PDE3A: variants seen among roughly 807,000 people sequenced by gnomAD.
The protein encoded by PDE3A is cGMP-inhibited 3',5'-cyclic phosphodiesterase 3A.
PDE3A carries 43 observed loss-of-function variants against 98.3 expected under a neutral mutation model. The observed-to-expected ratio is 0.44, with a 90% confidence interval of 0.34 to 0.56. PDE3A has a LOEUF of 0.56. PDE3A is among the 20% of genes least tolerant of loss of function. PDE3A has a pLI of 0.01. For synonymous variants in PDE3A, 663 were observed against 567.9 expected, an observed-to-expected ratio of 1.17 and a Z score of -2.38; for missense variants, 1,427 against 1,440.7, an observed-to-expected ratio of 0.99 and a Z score of 0.15.
chr12:20,460,286 C>T (rs1945225485), intron 1 of PDE3A, among the ~76,000 whole-genome samples: 1 of 152,204 alleles, frequency 6.6e-6, no homozygotes, highest in African/African-American at 2.4e-5. Flanking sequence ...AAAGAGTTTG[C>T]ACACATTTGT....
intron 1 of PDE3A, among the ~76,000 whole-genome samples, chr12:20,476,610 A>C (rs968354309): frequency 2.0e-5 from 3 of 152,326 alleles, no homozygotes; most frequent in Admixed American, 2.0e-4. Flanking sequence ...CTGTAAATCT[A>C]CAGCAGGAGA....
At chr12:20,614,019 A>C (rs1943936868) in intron 3 of PDE3A, among the ~76,000 whole-genome samples, 1 of 152,180 alleles carries the variant, frequency 6.6e-6, no homozygotes, top group Admixed American at 6.5e-5. Context: ...CAACAACAAC[A>C]AAACAAAGAA....
chr12:20,510,965 A>AGTG (rs1387859275), intron 1 of PDE3A, among the ~76,000 whole-genome samples: 5 of 152,084 alleles, frequency 3.3e-5, no homozygotes, highest in Non-Finnish European at 5.9e-5. Context: ...TGAAGTGCAC[A>AGTG]GTGGAGTCTA....
chr12:20,424,691 C>G (rs1457601391), intron 1 of PDE3A, among the ~76,000 whole-genome samples: 4 of 152,098 alleles, frequency 2.6e-5, no homozygotes, highest in African/African-American at 9.7e-5. Flanking sequence ...ACCAGAAAAT[C>G]ATAGAAAAAT....
At chr12:20,509,799 A>G (rs570595145) in intron 1 of PDE3A, among the ~76,000 whole-genome samples, 3 of 144,040 alleles carry the variant, frequency 2.1e-5, no homozygotes, top group South Asian at 2.2e-4. Context: ...TTTTTTTACC[A>G]CTGTCTAGAA....
intron 4 of PDE3A, among the ~76,000 whole-genome samples, chr12:20,619,345 A>T (rs1013521592): frequency 5.9e-5 from 9 of 152,170 alleles, no homozygotes; most frequent in African/African-American, 2.2e-4. Context: ...TTTGAAAAAA[A>T]TAGTAAATTG....
chr12:20,682,432 G>C lies in PDE3A; in HGVS notation c.*2161G>C, dbSNP rs1199926513. 1 of 151,982 alleles carries C rather than the reference G, an allele frequency of 6.6e-6. No individual in the cohort carries two copies. The highest frequency in any genetic ancestry group is 1.9e-4 in the East Asian group (1 of 5,190). 9.4% of individuals were successfully genotyped at this position (151,982 alleles called of 1,614,324 possible). A position where few individuals can be genotyped will look rare whatever the true frequency, so the allele number is the denominator to read the frequency against. On this transcript the variant is annotated 3_prime_UTR_variant, in exon 16 of 16. Transcript: ENST00000359062. ...AAAGCATTATTTTACAATAATTCATGGCATTTTAAAAAATAAGGCAAAGAT... is the reference window on the plus strand; with the variant it reads ...AAAGCATTATTTTACAATAATTCATCGCATTTTAAAAAATAAGGCAAAGAT...
intron 15 of PDE3A, among the ~76,000 whole-genome samples, chr12:20,663,823 T>G (rs1310258084): frequency 1.3e-5 from 2 of 152,156 alleles, no homozygotes; most frequent in Middle Eastern, 3.2e-3. Context: ...GGGGGACTTT[T>G]GGAAAGGCAA....
intron 15 of PDE3A, among the ~76,000 whole-genome samples, chr12:20,667,111 T>A (rs948118142): frequency 6.6e-6 from 1 of 152,208 alleles, no homozygotes; most frequent in Non-Finnish European, 1.5e-5. Context: ...TGCCCACTTT[T>A]TAATAGAATT....
chr12:20,489,990 T>C (rs1396731627), intron 1 of PDE3A, among the ~76,000 whole-genome samples: 1 of 152,224 alleles, frequency 6.6e-6, no homozygotes, highest in Non-Finnish European at 1.5e-5. Flanking sequence ...GAGTGACATC[T>C]GGAGGCTTTC....
In PDE3A at chr12:20,449,727, G is replaced by C. The variant is rs1384508470; in HGVS notation, c.960+79483G>C. 8.4e-6 allele frequency: 4 copies of C among 476,654 alleles called. No homozygotes were observed. The East Asian group carries it at 1.3e-4, about 15-fold the overall frequency. The allele number at this position is 476,654 out of a possible 1,614,324, so 29.5% of individuals were successfully genotyped here. Reference sequence around the variant, plus strand: ...CAGTCCTTAGAGTATTATTCAGCTAGGTCAGCCTGAAGTGGATGCTCAGGC... The same window carrying C: ...CAGTCCTTAGAGTATTATTCAGCTACGTCAGCCTGAAGTGGATGCTCAGGC... On this transcript the variant is annotated intron_variant, in intron 1 of 15. Transcript: ENST00000359062.
In PDE3A at chr12:20,686,815, C is replaced by T. The variant is rs1011928049; in HGVS notation, c.*6544C>T. ...CTTAAGTTCTAGTTCCTCAAGCCTG[C>T]TTTCCTTGTAAAGTCCATGGTACTA... is the stretch of plus-strand genomic sequence containing the variant. On this transcript the variant is annotated 3_prime_UTR_variant, in exon 16 of 16. Transcript: ENST00000359062. Among the ~76,000 whole-genome samples the T allele has an allele frequency of 3.9e-5, 6 of 152,104 alleles. No individual in the cohort carries two copies. Among genetic ancestry groups the T allele is most frequent in the Non-Finnish European group, 7.4e-5 (5 of 67,994 alleles).
chr12:20,594,286 A>G (rs1415183542), intron 2 of PDE3A, among the ~76,000 whole-genome samples: 5 of 152,160 alleles, frequency 3.3e-5, no homozygotes, highest in South Asian at 2.1e-4. Context: ...TAAAACAAAT[A>G]TGCTGTCTAT....
chr12:20,573,274 A>G (rs1942846024), intron 2 of PDE3A, among the ~76,000 whole-genome samples: 1 of 152,110 alleles, frequency 6.6e-6, no homozygotes, highest in Admixed American at 6.6e-5. Flanking sequence ...CTACAAAATA[A>G]TTTCTGAGAA....
intron 2 of PDE3A, among the ~76,000 whole-genome samples, chr12:20,573,680 C>T (rs183975366): frequency 1.3e-4 from 20 of 152,054 alleles, no homozygotes; most frequent in African/African-American, 4.8e-4. Context: ...AACACTTTAC[C>T]ATATAAGGTC....
chr12:20,397,072 G>A (rs1944032867), intron 1 of PDE3A, among the ~76,000 whole-genome samples: 1 of 151,980 alleles, frequency 6.6e-6, no homozygotes, highest in Admixed American at 6.6e-5. Flanking sequence ...AGATTATAAA[G>A]ATGCTAATAA....
chr12:20,664,900 A>G (rs1281399311), intron 15 of PDE3A, among the ~76,000 whole-genome samples: 1 of 152,172 alleles, frequency 6.6e-6, no homozygotes, highest in Non-Finnish European at 1.5e-5. Flanking sequence ...ACATCTTACC[A>G]ACATACTCAA....
Position 20,681,446 on chromosome 12 carries a change from A to T in PDE3A, c.*1175A>T, listed in dbSNP as rs1945780634. 2 of 152,226 alleles carry T rather than the reference A, an allele frequency of 1.3e-5. No homozygotes were observed. The highest frequency in any genetic ancestry group is 2.9e-5 in the Non-Finnish European group (2 of 68,040). The allele number at this position is 152,226 out of a possible 1,614,324, so 9.4% of individuals were successfully genotyped here. ...AATATGTGGTAGAGAAAGAAAAGGAAACAGAAAAATCACTCTGGGTTATAT... is the reference window on the plus strand; with the variant it reads ...AATATGTGGTAGAGAAAGAAAAGGATACAGAAAAATCACTCTGGGTTATAT... On this transcript the variant is annotated 3_prime_UTR_variant, in exon 16 of 16. Transcript: ENST00000359062.
intron 2 of PDE3A, among the ~76,000 whole-genome samples, chr12:20,592,388 A>T (rs1316194131): frequency 6.6e-6 from 1 of 152,216 alleles, no homozygotes; most frequent in Non-Finnish European, 1.5e-5. Flanking sequence ...AAGGAATTCG[A>T]ACACCATATC....
Sources: allele counts gnomAD v4.1 joint callset (sites outside exome capture counted in the v4.1 genomes callset), GRCh38; gene constraint gnomAD v4.1.1; transcripts MANE v1.5; gene names NCBI Gene and HGNC (gene_info 2026-07-23, HGNC 2026-07-21).